Variants in FBH1 observed in about 807,000 individuals in gnomAD.
FBH1 encodes the protein F-box DNA helicase 1.
FBH1 carries 43 observed loss-of-function variants against 115.5 expected under a neutral mutation model. That is an observed-to-expected ratio of 0.37 (90% confidence interval 0.29 to 0.48). The LOEUF is 0.48. Ranked by LOEUF, FBH1 falls within the 20% of genes least tolerant of loss-of-function variation. FBH1 has a pLI of 0.99. For synonymous variants in FBH1, 524 were observed against 507.8 expected (o/e 1.03, Z -0.43); for missense variants, 1,001 against 1,337.3 (o/e 0.75, Z 3.92).
In FBH1 at chr10:5,914,221, A is replaced by C. The variant is rs781774174; in HGVS notation, c.1348A>C (p.Asn450His). Residue 450 changes from asparagine to histidine, a missense_variant, in exon 8 of 21, where the codon AAT becomes CAT. By Grantham distance (68) the Asn-to-His change is moderately conservative. This residue lies in a region of FBH1 where 521 missense variants were observed against 811.0 expected (regional missense o/e 0.64). Transcript: ENST00000362091. The surrounding 1 kb of genome is among the most constrained non-coding windows in gnomAD (Gnocchi z 5.2). ...TACACATGAACAACAGCTGATTCTG[A>C]ATCACAAGATGGAACCTCTCCAGGT... is the stretch of plus-strand genomic sequence containing the variant. Reference protein sequence around the residue: ...QLTHEQQLILNHKMEPLQVVK... With the variant: ...QLTHEQQLILHHKMEPLQVVK... The C allele has an allele frequency of 1.2e-6, 2 of 1,614,248 alleles. No homozygotes were observed. Among genetic ancestry groups the C allele is most frequent in the Non-Finnish European group, 1.7e-6 (2 of 1,180,050 alleles).
rs1833013985 is a variant in FBH1 at position 5,932,315 on chromosome 10, C to T, written c.2830-4141C>T. On this transcript the variant is annotated intron_variant, in intron 19 of 20. Transcript: ENST00000362091. This position sits in a 1 kb window ranked among gnomAD's most constrained non-coding sequence, Gnocchi z 5.9. Reference sequence around the variant, plus strand: ...AATTCGTAGGTATTTTCATATTCTCCTTTTCCACAGAAGGTAGCATTTCAG... The same window carrying T: ...AATTCGTAGGTATTTTCATATTCTCTTTTTCCACAGAAGGTAGCATTTCAG... Among the ~76,000 whole-genome samples the T allele has an allele frequency of 6.6e-6, 1 of 152,220 alleles. No homozygotes were observed. Among genetic ancestry groups the T allele is most frequent in the Non-Finnish European group, 1.5e-5 (1 of 68,036 alleles).
rs551214558 is a variant in FBH1, at chr10:5,911,657, C to T, written c.1211+529C>T. ...CCTGTGTGTGTCCGACAGTTGTCCA[C>T]GAGCCGGTCCACTGTGACCGGCTTA... On this transcript the variant is annotated intron_variant, in intron 6 of 20. Transcript: ENST00000362091. This position sits in a 1 kb window ranked among gnomAD's most constrained non-coding sequence, Gnocchi z 5.4. Among the ~76,000 whole-genome samples, 108 of 152,096 alleles carry T rather than the reference C, an allele frequency of 7.1e-4. No individual in the cohort carries two copies. The highest frequency in any genetic ancestry group is 1.2e-3 in the Non-Finnish European group (80 of 67,988).
Position 5,911,223 on chromosome 10 carries a change from C to T in FBH1, c.1211+95C>T, listed in dbSNP as rs1831569834. ...GCCCTGCCACTTAGCAGTGTTAGCA[C>T]CTGGCAGGCTGTGGGACCCACCTGC... On this transcript the variant is annotated intron_variant, in intron 6 of 20. Coordinates refer to ENST00000362091, the MANE Select transcript of FBH1 (RefSeq NM_178150.3). This position sits in a 1 kb window ranked among gnomAD's most constrained non-coding sequence, Gnocchi z 5.4. 3 of 1,293,902 alleles carry T rather than the reference C, an allele frequency of 2.3e-6. No individual in the cohort carries two copies. The highest frequency in any genetic ancestry group is 3.2e-6 in the Non-Finnish European group (3 of 939,432). 80.2% of individuals were successfully genotyped at this position (1,293,902 alleles called of 1,614,324 possible). A position where few individuals can be genotyped will look rare whatever the true frequency, so the allele number is the denominator to read the frequency against.
intron 1 of FBH1, among the ~76,000 whole-genome samples, chr10:5,901,243 G>T (rs1378455856): frequency 1.3e-5 from 2 of 152,156 alleles, no homozygotes; most frequent in Non-Finnish European, 2.9e-5. Context: ...TGCGACCTCG[G>T]CTCACTGCAA....
Position 5,915,938 on chromosome 10 carries a change from A to G in FBH1, c.1566-296A>G. On this transcript the variant is annotated intron_variant, in intron 9 of 20. Coordinates refer to ENST00000362091, the MANE Select transcript of FBH1 (RefSeq NM_178150.3). This position sits in a 1 kb window ranked among gnomAD's most constrained non-coding sequence, Gnocchi z 5.2. ...CACTTGACCCAGGTCTCCTGGATGTAGAGGCATCAGGGAACTCCAAGGGTC... is the reference window on the plus strand; with the variant it reads ...CACTTGACCCAGGTCTCCTGGATGTGGAGGCATCAGGGAACTCCAAGGGTC... 1 of 477,158 alleles carries G rather than the reference A, an allele frequency of 2.1e-6. No individual in the cohort carries two copies. Among genetic ancestry groups the G allele is most frequent in the Non-Finnish European group, 3.8e-6 (1 of 264,358 alleles). The allele number at this position is 477,158 out of a possible 1,614,324, so 29.6% of individuals were successfully genotyped here.
At position 5,927,532 on chromosome 10, in the gene FBH1, T is replaced by A. The variant is rs113910916; in HGVS notation, c.2820T>A (p.Thr940=). ...IMTKSLENIL[T]LAGEYFLQAE... ...CCAAATCATTGGAAAACATTTTGACTTTGGCTGGGGTAAGCAGAACGGGCA... is the reference window on the plus strand; with the variant it reads ...CCAAATCATTGGAAAACATTTTGACATTGGCTGGGGTAAGCAGAACGGGCA... The change falls in exon 19 of 21, where the codon ACT becomes ACA. Residue 940 remains threonine (T), a synonymous_variant. Coordinates refer to ENST00000362091, the MANE Select transcript of FBH1 (RefSeq NM_178150.3). 6.2e-7 allele frequency: 1 copy of A among 1,612,938 alleles called. No individual in the cohort carries two copies. Among genetic ancestry groups the A allele is most frequent in the Admixed American group, 1.7e-5 (1 of 59,698 alleles).
At chr10:5,930,205 C>A (rs664577) in intron 19 of FBH1, among the ~76,000 whole-genome samples, 129,570 of 152,242 alleles carry the variant, frequency 0.85, 55,249 homozygotes, top group Admixed American at 0.89. Context: ...TAAATGTTAT[C>A]ATATGTGGCC....
In FBH1 at chr10:5,897,530, T is replaced by C. The variant is rs982944120; in HGVS notation, c.2-5490T>C. Among the ~76,000 whole-genome samples the C allele has an allele frequency of 9.9e-5, 15 of 152,146 alleles. No homozygotes were observed. The highest frequency in any genetic ancestry group is 6.2e-4 in the South Asian group (3 of 4,832). On this transcript the variant is annotated intron_variant, in intron 1 of 20. Coordinates refer to ENST00000362091, the MANE Select transcript of FBH1 (RefSeq NM_178150.3). This position sits in a 1 kb window ranked among gnomAD's most constrained non-coding sequence, Gnocchi z 4.7. ...AGTTATTTTTGATACATATATCCAA[T>C]AAGTCCAAGGGGTGGGGAATCCAAT...
rs1420339232 is a variant in FBH1, at chr10:5,917,303, C to T, written c.1789-117C>T. 3.8e-6 allele frequency: 3 copies of T among 795,718 alleles called. No individual in the cohort carries two copies. The African/African-American group carries it at 5.0e-5, about 13-fold the overall frequency. The allele number at this position is 795,718 out of a possible 1,614,324, so 49.3% of individuals were successfully genotyped here. A position where few individuals can be genotyped will look rare whatever the true frequency, so the allele number is the denominator to read the frequency against. ...AGGAGGTTAGGGTGGTGTCTGCGGTCCCCCTTCTGTGAGGATGCCCTGGCT... is the reference window on the plus strand; with the variant it reads ...AGGAGGTTAGGGTGGTGTCTGCGGTTCCCCTTCTGTGAGGATGCCCTGGCT... On this transcript the variant is annotated intron_variant, in intron 10 of 20. Transcript: ENST00000362091. The surrounding 1 kb of genome is among the most constrained non-coding windows in gnomAD (Gnocchi z 5.6).
At chr10:5,922,488 G>T (rs1687272236) in intron 15 of FBH1, among the ~76,000 whole-genome samples, 1 of 152,192 alleles carries the variant, frequency 6.6e-6, no homozygotes, top group South Asian at 2.1e-4. Context: ...CATGGTCATT[G>T]TTGTAAGAGT....
intron 1 of FBH1, chr10:5,893,856 C>T (rs780588612): frequency 6.8e-5 from 24 of 351,976 alleles, no homozygotes; most frequent in South Asian, 1.2e-4. Flanking sequence ...ATAGCAGATA[C>T]GTAAAAGTAG....
intron 19 of FBH1, among the ~76,000 whole-genome samples, chr10:5,930,412 G>A (rs1383652822): frequency 6.6e-6 from 1 of 152,180 alleles, no homozygotes; most frequent in African/African-American, 2.4e-5. Flanking sequence ...GTCCTACAGA[G>A]CGTCCCCATT....
Position 5,916,454 on chromosome 10 carries a change from C to T in FBH1, c.1786C>T (p.Leu596=), listed in dbSNP as rs1831941647. ...AGTCATGGTTGAGCAGAGTGAAAAACTGGTGAGTGTCTAAGTGTCTGAAGT... is the reference window on the plus strand; with the variant it reads ...AGTCATGGTTGAGCAGAGTGAAAAATTGGTGAGTGTCTAAGTGTCTGAAGT... ...QRVMVEQSEK[L]NGVLEASRLW... is the part of the protein sequence containing the mutation. Residue 596 remains leucine (L), a splice_region_variant and synonymous_variant, in exon 10 of 21, where the codon CTG becomes TTG. Coordinates refer to ENST00000362091, the MANE Select transcript of FBH1 (RefSeq NM_178150.3). 4.4e-6 allele frequency: 7 copies of T among 1,604,562 alleles called. No homozygotes were observed. The East Asian group carries it at 1.1e-4, about 26-fold the overall frequency.
In FBH1 at chr10:5,932,222, C is replaced by T. The variant is rs977910503; in HGVS notation, c.2830-4234C>T. Among the ~76,000 whole-genome samples the T allele has an allele frequency of 6.6e-6, 1 of 152,198 alleles. No individual in the cohort carries two copies. Among genetic ancestry groups the T allele is most frequent in the African/African-American group, 2.4e-5 (1 of 41,450 alleles). ...TTCACTTCAGACTGTTCTCTGCCTC[C>T]ACCATTGGTAGTTATTTTAAACAAT... On this transcript the variant is annotated intron_variant, in intron 19 of 20. Coordinates refer to ENST00000362091, the MANE Select transcript of FBH1 (RefSeq NM_178150.3). This position sits in a 1 kb window ranked among gnomAD's most constrained non-coding sequence, Gnocchi z 5.9.
chr10:5,913,803 C>T lies in FBH1; in HGVS notation c.1268C>T (p.Ala423Val). 2 of 1,596,808 alleles carry T rather than the reference C, an allele frequency of 1.3e-6. No homozygotes were observed. The highest frequency in any genetic ancestry group is 1.7e-6 in the Non-Finnish European group (2 of 1,175,848). ...LYLQENSCTQ[A>V]TKVKEEPSVW... ...CTTCAGGAGAATTCCTGCACTCAGGCCACAAAAGTTAAAGAGGAGCCATCT... is the reference window on the plus strand; with the variant it reads ...CTTCAGGAGAATTCCTGCACTCAGGTCACAAAAGTTAAAGAGGAGCCATCT... Residue 423 changes from alanine to valine, a missense_variant, in exon 7 of 21, where the codon GCC (alanine) becomes GTC (valine). By Grantham distance (64) the Ala-to-Val change is moderately conservative (BLOSUM62 0). Transcript: ENST00000362091. The surrounding 1 kb of genome is among the most constrained non-coding windows in gnomAD (Gnocchi z 4.4).
rs1209022515 is a variant in FBH1 at position 5,918,105 on chromosome 10, A to G, written c.1964-237A>G. The stretch of plus-strand genomic sequence containing the variant: ...TTAGATTTGCCTGTGTTGTTTTCTT[A>G]TATTCCAACAATTCATCCAAGGCGA... On this transcript the variant is annotated intron_variant, in intron 12 of 20. Transcript: ENST00000362091. The surrounding 1 kb of genome is among the most constrained non-coding windows in gnomAD (Gnocchi z 4.0). Among the ~76,000 whole-genome samples, 2 of 152,168 alleles carry G rather than the reference A, an allele frequency of 1.3e-5. No individual in the cohort carries two copies. The highest frequency in any genetic ancestry group is 1.9e-4 in the East Asian group (1 of 5,196).
In FBH1 at chr10:5,895,243, G is replaced by C; in HGVS notation, c.1+4897G>C. On this transcript the variant is annotated intron_variant, in intron 1 of 20. Coordinates refer to ENST00000362091, the MANE Select transcript of FBH1 (RefSeq NM_178150.3). The surrounding 1 kb of genome is among the most constrained non-coding windows in gnomAD (Gnocchi z 5.0). ...GGTTAGCTGACTCCAAAATTGTCCAGATTAGCAAAACTGCCCTCTGTGGAT... is the reference window on the plus strand; with the variant it reads ...GGTTAGCTGACTCCAAAATTGTCCACATTAGCAAAACTGCCCTCTGTGGAT... The C allele has an allele frequency of 2.6e-6, 4 of 1,563,334 alleles. No homozygotes were observed. The highest frequency in any genetic ancestry group is 3.5e-6 in the Non-Finnish European group (4 of 1,149,812).
intron 13 of FBH1, among the ~76,000 whole-genome samples, chr10:5,920,938 A>G (rs984444730): frequency 6.6e-6 from 1 of 152,234 alleles, no homozygotes; most frequent in Non-Finnish European, 1.5e-5. Flanking sequence ...TAGTGTGGAG[A>G]GGGATCTCAA....
chr10:5,926,206 C>T (rs1419979032), intron 18 of FBH1, among the ~76,000 whole-genome samples: 1 of 152,176 alleles, frequency 6.6e-6, no homozygotes, highest in Non-Finnish European at 1.5e-5. Context: ...CTGCAATCTC[C>T]ACCTCCCGGG....
Sources: gnomAD v4.1 joint callset for allele counts (sites outside exome capture counted in the v4.1 genomes callset) on GRCh38, gnomAD v4.1.1 for gene constraint, gnomAD v4.1.1 regional missense constraint, Gnocchi (gnomAD v3.1) non-coding constraint, MANE v1.5 for transcripts, NCBI Gene and HGNC (gene_info 2026-07-23, HGNC 2026-07-21) for gene names.